Variants in GUCY1A2 observed in about 807,000 individuals in gnomAD.
GUCY1A2 encodes the protein guanylate cyclase 1 soluble subunit alpha 2, also known as guanylate cyclase soluble subunit alpha-2.
A neutral mutation model predicts 63.5 loss-of-function variants in GUCY1A2; 27 were observed. That is an observed-to-expected ratio of 0.43 (90% CI 0.31 to 0.59). GUCY1A2 has a LOEUF of 0.59. GUCY1A2 is among the 20% of genes least tolerant of loss of function. The pLI is 0.11. For missense variants in GUCY1A2, 768 were observed against 913.3 expected (o/e 0.84, Z 2.05); for synonymous variants, 364 against 343.5 (o/e 1.06, Z -0.66).
chr11:106,898,790 C>G (rs1325906864), intron 4 of GUCY1A2, among the ~76,000 whole-genome samples: 1 of 152,126 alleles, frequency 6.6e-6, no homozygotes, highest in East Asian at 1.9e-4. Context: ...TGTCATTATA[C>G]ATTTATCCAA....
intron 6 of GUCY1A2, among the ~76,000 whole-genome samples, chr11:106,710,588 C>T (rs1591242060): frequency 6.6e-6 from 1 of 150,822 alleles, no homozygotes; most frequent in East Asian, 2.0e-4. Context: ...AGTCAATAGG[C>T]ATTGATTAAA....
intron 1 of GUCY1A2, among the ~76,000 whole-genome samples, chr11:106,986,413 A>T (rs1861401850): frequency 6.6e-6 from 1 of 152,158 alleles, no homozygotes; most frequent in South Asian, 2.1e-4. Context: ...TAAAATACAC[A>T]TTGGCTGCCT....
chr11:106,974,315 A>G (rs1861235057), intron 3 of GUCY1A2, among the ~76,000 whole-genome samples: 1 of 152,130 alleles, frequency 6.6e-6, no homozygotes, highest in Non-Finnish European at 1.5e-5. Context: ...CAAGATAACA[A>G]ATATGTTAAA....
chr11:106,989,380 AT>A (rs1242320376), intron 1 of GUCY1A2, among the ~76,000 whole-genome samples: 6 of 151,850 alleles, frequency 4.0e-5, no homozygotes, highest in African/African-American at 1.5e-4. Flanking sequence ...GATCTTTTTA[AT>A]TTTTTTATTA....
chr11:106,727,792 T>C (rs887377561), intron 6 of GUCY1A2, among the ~76,000 whole-genome samples: 1 of 152,188 alleles, frequency 6.6e-6, no homozygotes, highest in East Asian at 1.9e-4. Flanking sequence ...ATTCCTACTG[T>C]TCCTACTTTA....
At chr11:106,724,802 C>T (rs774605265) in intron 6 of GUCY1A2, among the ~76,000 whole-genome samples, 2 of 152,124 alleles carry the variant, frequency 1.3e-5, no homozygotes, top group Non-Finnish European at 2.9e-5. Flanking sequence ...TCATCTCTGG[C>T]ATTTTACTGA....
chr11:106,977,455 A>G (rs1861277374), intron 3 of GUCY1A2, among the ~76,000 whole-genome samples: 1 of 152,144 alleles, frequency 6.6e-6, no homozygotes, highest in South Asian at 2.1e-4. Context: ...TTATAGACAA[A>G]CCACTAACAT....
At chr11:106,774,042 A>G (rs527548052) in intron 6 of GUCY1A2, among the ~76,000 whole-genome samples, 1 of 152,292 alleles carries the variant, frequency 6.6e-6, no homozygotes, top group African/African-American at 2.4e-5. Flanking sequence ...AAAGTACAAT[A>G]CCAATTTCAA....
intron 5 of GUCY1A2, among the ~76,000 whole-genome samples, chr11:106,789,129 C>A (rs1396145257): frequency 2.0e-5 from 3 of 151,976 alleles, no homozygotes; most frequent in African/African-American, 7.3e-5. Flanking sequence ...ATGTTATATA[C>A]CTTTCATTGT....
chr11:106,745,610 T>G (rs1273383390), intron 6 of GUCY1A2, among the ~76,000 whole-genome samples: 1 of 152,210 alleles, frequency 6.6e-6, no homozygotes, highest in Admixed American at 6.5e-5. Context: ...AAAGAATATT[T>G]CCTTCTTAAC....
At position 106,683,692 on chromosome 11, in the gene GUCY1A2, G is replaced by A. The variant is rs953975935; in HGVS notation, c.*3857C>T. ...ATGGAGTAAGAAAGGGTCCAGAATG[G>A]ACTGAGTCATTCTCAAAATGACAAG... On this transcript the variant is annotated 3_prime_UTR_variant, in exon 8 of 8. Coordinates refer to ENST00000526355, the MANE Select transcript of GUCY1A2 (RefSeq NM_000855.3). The A allele has an allele frequency of 4.4e-6, 1 of 225,502 alleles. No individual in the cohort carries two copies. The highest frequency in any genetic ancestry group is 2.2e-5 in the African/African-American group (1 of 44,858). The allele number at this position is 225,502 out of a possible 1,614,324, so 14.0% of individuals were successfully genotyped here.
rs199650897 is a variant in GUCY1A2, at chr11:106,755,702, G to C, written c.1836+20737C>G. Among the ~76,000 whole-genome samples the C allele has an allele frequency of 7.2e-5, 11 of 152,306 alleles. No homozygotes were observed. In the East Asian group the frequency reaches 2.1e-3, roughly 29 times the overall value. On this transcript the variant is annotated intron_variant, in intron 6 of 7. Coordinates refer to ENST00000526355, the MANE Select transcript of GUCY1A2 (RefSeq NM_000855.3). ...TGAGTTCTAATTTGATTACACTGTG[G>C]TTTGAGAGACAGTTTGTTGTGATTT...
chr11:106,816,894 C>T (rs1459853898), intron 4 of GUCY1A2, among the ~76,000 whole-genome samples: 2 of 150,210 alleles, frequency 1.3e-5, no homozygotes, highest in African/African-American at 4.9e-5. Context: ...CAAAACTCAA[C>T]CAAGATGAAA....
At chr11:106,908,663 A>G (rs374514938) in intron 4 of GUCY1A2, among the ~76,000 whole-genome samples, 15 of 152,156 alleles carry the variant, frequency 9.9e-5, no homozygotes, top group African/African-American at 3.1e-4. Flanking sequence ...TTAAATAAAA[A>G]AGTGAATAAA....
At chr11:106,997,612 A>AG (rs1861556046) in intron 1 of GUCY1A2, among the ~76,000 whole-genome samples, 2 of 90,106 alleles carry the variant, frequency 2.2e-5, no homozygotes, top group Admixed American at 3.1e-4. Context: ...GAAGCAAGAT[A>AG]GGGAACCCCC....
intron 7 of GUCY1A2, among the ~76,000 whole-genome samples, chr11:106,688,201 T>C (rs1217825729): frequency 6.6e-6 from 1 of 152,214 alleles, no homozygotes; most frequent in African/African-American, 2.4e-5. Context: ...GCTTTAAATG[T>C]GTGTCCTGTA....
chr11:106,824,722 T>A, intron 4 of GUCY1A2: 1 of 1,333,018 alleles, frequency 7.5e-7, no homozygotes, highest in South Asian at 1.6e-5. Context: ...AGAAAGAATA[T>A]TTTGAAATAT....
intron 4 of GUCY1A2, among the ~76,000 whole-genome samples, chr11:106,927,900 G>A (rs1042126537): frequency 1.3e-5 from 2 of 152,016 alleles, no homozygotes; most frequent in Admixed American, 6.6e-5. Flanking sequence ...CCACAGAACA[G>A]GGTAGAATGG....
At position 106,680,334 on chromosome 11, in the gene GUCY1A2, G is replaced by C; in HGVS notation, c.*7215C>G. On this transcript the variant is annotated 3_prime_UTR_variant, in exon 8 of 8. Coordinates refer to ENST00000526355, the MANE Select transcript of GUCY1A2 (RefSeq NM_000855.3). ...GACCACAGTAAAAATATATTAAGTA[G>C]AATTCCTTCTTTATCTGCAAATAGC... 4.8e-6 allele frequency: 1 copy of C among 209,576 alleles called. No homozygotes were observed. The highest frequency in any genetic ancestry group is 9.7e-6 in the Non-Finnish European group (1 of 103,032). 13.0% of individuals were successfully genotyped at this position (209,576 alleles called of 1,614,324 possible).
Sources: gnomAD v4.1 joint callset for allele counts (sites outside exome capture counted in the v4.1 genomes callset) on GRCh38, gnomAD v4.1.1 for gene constraint, MANE v1.5 for transcripts, NCBI Gene and HGNC (gene_info 2026-07-23, HGNC 2026-07-21) for gene names.